The following TSGA10 variants were observed in gnomAD, a reference collection of about 807,000 sequenced individuals.
TSGA10 encodes testis-specific gene 10 protein.
Under a neutral mutation model 96.6 loss-of-function variants are expected in TSGA10, and 43 were observed. That is an observed-to-expected ratio of 0.44 (90% CI 0.35 to 0.57). The LOEUF (loss-of-function observed/expected upper bound fraction) is 0.57, where lower values mean the gene tolerates loss of function less well. TSGA10 is among the 20% of genes least tolerant of loss of function. The pLI is 0.01. For missense variants in TSGA10, 703 were observed against 834.4 expected (o/e 0.84, Z 1.94); for synonymous variants, 229 against 269.9 (o/e 0.85, Z 1.48).
chr2:99,040,709 T>A (rs2082105474), intron 16 of TSGA10, among the ~76,000 whole-genome samples: 1 of 151,684 alleles, frequency 6.6e-6, no homozygotes, highest in Admixed American at 6.6e-5. Context: ...AATATACAAA[T>A]TCAAGGCAAT....
At chr2:99,063,286 T>C (rs934987817) in intron 16 of TSGA10, among the ~76,000 whole-genome samples, 18 of 152,128 alleles carry the variant, frequency 1.2e-4, no homozygotes, top group African/African-American at 4.1e-4. Flanking sequence ...AATGAAAATA[T>C]AGGAAAATAT....
chr2:99,028,849 C>T (rs2080887686), intron 17 of TSGA10, among the ~76,000 whole-genome samples: 1 of 152,060 alleles, frequency 6.6e-6, no homozygotes, highest in African/African-American at 2.4e-5. Flanking sequence ...AGCTCGTTGG[C>T]TGTATGTGCC....
chr2:99,023,334 C>A (rs2080220340), intron 17 of TSGA10, among the ~76,000 whole-genome samples: 1 of 152,108 alleles, frequency 6.6e-6, no homozygotes, highest in Non-Finnish European at 1.5e-5. Context: ...ATATGGTTTG[C>A]AAATGTTTTC....
chr2:99,036,715 C>T (rs1462665549), intron 16 of TSGA10, among the ~76,000 whole-genome samples: 1 of 151,940 alleles, frequency 6.6e-6, no homozygotes, highest in Non-Finnish European at 1.5e-5. Flanking sequence ...CCAATTAAGA[C>T]AAATGGTCAG....
intron 20 of TSGA10, among the ~76,000 whole-genome samples, chr2:99,000,485 G>A (rs956930732): frequency 6.6e-6 from 1 of 151,558 alleles, no homozygotes; most frequent in African/African-American, 2.4e-5. Flanking sequence ...ACTCCAGTCT[G>A]GGGGACAAGA....
chr2:99,086,863 T>A (rs946165335), intron 10 of TSGA10, among the ~76,000 whole-genome samples: 1 of 151,784 alleles, frequency 6.6e-6, no homozygotes, highest in Non-Finnish European at 1.5e-5. Flanking sequence ...TGAGGCTAGA[T>A]GTTCAAGACC....
At chr2:99,073,990 TGTTTC>T (rs2086293465) in intron 12 of TSGA10, among the ~76,000 whole-genome samples, 2 of 144,860 alleles carry the variant, frequency 1.4e-5, no homozygotes, top group East Asian at 2.0e-4. Flanking sequence ...ATTCTGTTCC[TGTTTC>T]TTTTCTTTTT....
intron 10 of TSGA10, among the ~76,000 whole-genome samples, chr2:99,098,776 A>C (rs954459684): frequency 6.6e-6 from 1 of 152,158 alleles, no homozygotes; most frequent in Non-Finnish European, 1.5e-5. Context: ...AAATTTAGAC[A>C]AAATGAAAAC....
intron 12 of TSGA10, among the ~76,000 whole-genome samples, chr2:99,074,025 T>TTTTTTTTTTTTTTTTTTTTC (rs2086328761): frequency 7.8e-6 from 1 of 128,986 alleles, no homozygotes; most frequent in African/African-American, 3.3e-5. Context: ...TTTTTTTTTT[T>TTTTTTTTTTTTTTTTTTTTC]TTTTGAGATG....
intron 16 of TSGA10, among the ~76,000 whole-genome samples, chr2:99,047,297 C>A (rs1306615028): frequency 6.6e-6 from 1 of 152,144 alleles, no homozygotes; most frequent in Non-Finnish European, 1.5e-5. Context: ...ACCAATATCC[C>A]TGATGAACCT....
chr2:99,082,400 A>C (rs929745702), intron 10 of TSGA10, among the ~76,000 whole-genome samples: 1 of 152,152 alleles, frequency 6.6e-6, no homozygotes, highest in African/African-American at 2.4e-5. Flanking sequence ...ACTAAGGTAT[A>C]AAGTTAATCA....
intron 2 of TSGA10, chr2:99,126,641 T>C (rs1159002978): frequency 6.2e-6 from 1 of 162,560 alleles, no homozygotes; most frequent in Non-Finnish European, 1.3e-5. Context: ...ACAGGAACAA[T>C]ACTGAACTTG....
At chr2:99,068,234 A>C (rs1230956739) in intron 15 of TSGA10, among the ~76,000 whole-genome samples, 1 of 152,194 alleles carries the variant, frequency 6.6e-6, no homozygotes, top group Non-Finnish European at 1.5e-5. Context: ...TGAAATGATA[A>C]AATAGTATAG....
Position 99,035,225 on chromosome 2 carries a change from C to T in TSGA10, c.1614+5G>A, listed in dbSNP as rs781692720. On this transcript the variant is annotated splice_donor_5th_base_variant and intron_variant, in intron 17 of 20. Coordinates refer to ENST00000393483, the MANE Select transcript of TSGA10 (RefSeq NM_025244.4). ...TTTTAAAGATTTTTAAAATATATTA[C>T]ATACCATTTCTATTTCTTGATCTTT... The T allele has an allele frequency of 1.4e-5, 23 of 1,596,586 alleles. No homozygotes were observed. The highest frequency in any genetic ancestry group is 2.0e-5 in the Non-Finnish European group (23 of 1,169,760).
At chr2:99,006,278 C>A (rs1302029581) in intron 20 of TSGA10, among the ~76,000 whole-genome samples, 2 of 152,098 alleles carry the variant, frequency 1.3e-5, no homozygotes, top group South Asian at 2.1e-4. Context: ...GCAACAAAAG[C>A]CAAAATTGAC....
At chr2:99,066,585 C>T (rs1266811741) in intron 15 of TSGA10, among the ~76,000 whole-genome samples, 1 of 152,040 alleles carries the variant, frequency 6.6e-6, no homozygotes, top group African/African-American at 2.4e-5. Flanking sequence ...CCAGGTAGTA[C>T]ATTATTCAAA....
At chr2:99,140,734 A>C (rs1179140808) in intron 1 of TSGA10, among the ~76,000 whole-genome samples, 1 of 152,110 alleles carries the variant, frequency 6.6e-6, no homozygotes, top group African/African-American at 2.4e-5. Flanking sequence ...TGAACTCCCA[A>C]ATCTGTGACT....
intron 20 of TSGA10, among the ~76,000 whole-genome samples, chr2:99,004,265 G>A (rs148380635): frequency 0.054 from 8,237 of 152,050 alleles, 421 homozygotes; most frequent in East Asian, 0.21. Context: ...TTGAATCTCT[G>A]AATAGACCAA....
At chr2:99,147,543 GT>G (rs1439953329) in intron 1 of TSGA10, 1 of 1,520,888 alleles carries the variant, frequency 6.6e-7, no homozygotes. Flanking sequence ...TTCCTCCTCA[GT>G]CCTTTTATTA....
Sources: gnomAD v4.1 joint callset for allele counts (sites outside exome capture counted in the v4.1 genomes callset) on GRCh38, gnomAD v4.1.1 for gene constraint, MANE v1.5 for transcripts, NCBI Gene and HGNC (gene_info 2026-07-23, HGNC 2026-07-21) for gene names.